The following SLC4A10 variants were observed in gnomAD, a reference collection of about 807,000 sequenced individuals.
SLC4A10 encodes solute carrier family 4 member 10, also known as sodium-driven chloride bicarbonate exchanger.
A neutral mutation model predicts 137.7 loss-of-function variants in SLC4A10; 42 were observed. That is an observed-to-expected ratio of 0.30 (90% CI 0.24 to 0.39). The LOEUF (loss-of-function observed/expected upper bound fraction) is 0.39. Ranked by LOEUF, SLC4A10 falls within the 10% of genes least tolerant of loss-of-function variation. The pLI, the probability that SLC4A10 is intolerant of heterozygous loss-of-function variation, is 1.00. For missense variants in SLC4A10, 925 were observed against 1,355.0 expected, an observed-to-expected ratio of 0.68 and a Z score of 4.98; for synonymous variants, 474 against 464.1, an observed-to-expected ratio of 1.02 and a Z score of -0.27.
Position 161,882,437 on chromosome 2 carries a change from C to A in SLC4A10, c.1187C>A (p.Thr396Lys). The A allele has an allele frequency of 1.3e-6, 2 of 1,581,720 alleles. No homozygotes were observed. The highest frequency in any genetic ancestry group is 1.7e-6 in the Non-Finnish European group (2 of 1,162,998). The part of the protein sequence containing the change: ...EIGRSIATLM[T>K]DEVFHDVAYK... Reference sequence around the variant, plus strand: ...GGCAGATCAATTGCAACCCTAATGACAGATGAGGTATTTATTCAAGTTCTT... The same window carrying A: ...GGCAGATCAATTGCAACCCTAATGAAAGATGAGGTATTTATTCAAGTTCTT... Residue 396 changes from threonine (T) to lysine (K), a missense_variant, in exon 10 of 27, where the codon ACA becomes AAA. This residue lies in a region of SLC4A10 where 277 missense variants were observed against 306.1 expected (regional missense o/e 0.90). Transcript: ENST00000446997.
chr2:161,896,269 C>G (rs1156797569), intron 11 of SLC4A10, among the ~76,000 whole-genome samples: 2 of 151,888 alleles, frequency 1.3e-5, no homozygotes, highest in Non-Finnish European at 1.5e-5. Flanking sequence ...TTCCATTGAT[C>G]TATATCTCTG....
intron 1 of SLC4A10, among the ~76,000 whole-genome samples, chr2:161,717,059 A>G (rs1010493871): frequency 1.3e-5 from 2 of 152,046 alleles, no homozygotes; most frequent in African/African-American, 4.8e-5. Context: ...CTTTGTAGCA[A>G]TTGTGAATGG....
At chr2:161,766,609 A>G (rs2050824394) in intron 1 of SLC4A10, among the ~76,000 whole-genome samples, 1 of 152,136 alleles carries the variant, frequency 6.6e-6, no homozygotes, top group Non-Finnish European at 1.5e-5. Context: ...TTCTAATGTG[A>G]CATATATTTG....
chr2:161,798,051 T>A (rs1438232508), intron 2 of SLC4A10, among the ~76,000 whole-genome samples: 4 of 152,024 alleles, frequency 2.6e-5, no homozygotes, highest in African/African-American at 9.7e-5. Flanking sequence ...AGCCTAGTAA[T>A]ACCTCTTTGC....
chr2:161,908,983 G>C (rs1309644871), intron 15 of SLC4A10, among the ~76,000 whole-genome samples: 1 of 150,264 alleles, frequency 6.7e-6, no homozygotes, highest in Admixed American at 6.7e-5. Flanking sequence ...CATGATCCCT[G>C]TCTGTCATGG....
At chr2:161,858,070 C>T (rs1044652830) in intron 5 of SLC4A10, among the ~76,000 whole-genome samples, 8 of 152,084 alleles carry the variant, frequency 5.3e-5, no homozygotes, top group South Asian at 2.1e-4. Context: ...TAACAATCAG[C>T]CCTGAAACTT....
chr2:161,880,894 T>A (rs891739335), intron 9 of SLC4A10, among the ~76,000 whole-genome samples: 1 of 152,028 alleles, frequency 6.6e-6, no homozygotes, highest in Non-Finnish European at 1.5e-5. Context: ...AAAAGAAAAA[T>A]TCCCATGAGT....
intron 1 of SLC4A10, among the ~76,000 whole-genome samples, chr2:161,711,890 A>G (rs2044328662): frequency 6.6e-6 from 1 of 151,806 alleles, no homozygotes; most frequent in Non-Finnish European, 1.5e-5. Context: ...TAAGTGAGTT[A>G]ATGTATGTGA....
intron 1 of SLC4A10, among the ~76,000 whole-genome samples, chr2:161,640,409 A>G (rs973596278): frequency 6.6e-6 from 1 of 152,206 alleles, no homozygotes; most frequent in Non-Finnish European, 1.5e-5. Context: ...GAGGCTATCT[A>G]TAAGTATTGT....
intron 1 of SLC4A10, among the ~76,000 whole-genome samples, chr2:161,769,881 A>T (rs1190184545): frequency 6.6e-6 from 1 of 151,914 alleles, no homozygotes; most frequent in Non-Finnish European, 1.5e-5. Flanking sequence ...GCACTCTGTC[A>T]AAAGATTTCT....
intron 1 of SLC4A10, among the ~76,000 whole-genome samples, chr2:161,641,396 CT>C (rs35973771): frequency 0.082 from 12,499 of 152,084 alleles, 579 homozygotes; most frequent in East Asian, 0.14. Context: ...CTAAGCCCCC[CT>C]ATATGTTGTA....
At chr2:161,666,479 C>T (rs2039062311) in intron 1 of SLC4A10, among the ~76,000 whole-genome samples, 1 of 151,584 alleles carries the variant, frequency 6.6e-6, no homozygotes, top group Non-Finnish European at 1.5e-5. Context: ...ATTAACAGGG[C>T]CCAATCTCTA....
intron 1 of SLC4A10, among the ~76,000 whole-genome samples, chr2:161,654,233 G>A (rs1377699241): frequency 1.3e-5 from 2 of 152,104 alleles, no homozygotes. Context: ...GGTTATTAGA[G>A]TTTTGCTACT....
intron 4 of SLC4A10, 49 bp downstream of exon 4, chr2:161,839,976 TAC>T (rs763030667): frequency 4.4e-6 from 7 of 1,601,280 alleles, no homozygotes; most frequent in Middle Eastern, 1.7e-4. Flanking sequence ...ATTTTCATGT[TAC>T]TAGAAAAAGA....
chr2:161,801,855 T>A (rs541195322), intron 2 of SLC4A10, among the ~76,000 whole-genome samples: 6 of 152,250 alleles, frequency 3.9e-5, no homozygotes, highest in African/African-American at 1.4e-4. Context: ...AGTACTTTTT[T>A]TAAAGGTTGC....
At chr2:161,827,187 T>G (rs1052929773) in intron 3 of SLC4A10, among the ~76,000 whole-genome samples, 2 of 152,224 alleles carry the variant, frequency 1.3e-5, no homozygotes, top group South Asian at 2.1e-4. Flanking sequence ...CAGTGTTGAG[T>G]CTTCTTCTCT....
chr2:161,887,174 C>CT (rs1311752393), intron 10 of SLC4A10, among the ~76,000 whole-genome samples: 3 of 152,132 alleles, frequency 2.0e-5, no homozygotes, highest in East Asian at 3.9e-4. Flanking sequence ...GCCACATTTT[C>CT]TTTATCCAGT....
chr2:161,691,228 T>C (rs1373225829), intron 1 of SLC4A10, among the ~76,000 whole-genome samples: 1 of 151,082 alleles, frequency 6.6e-6, no homozygotes, highest in Non-Finnish European at 1.5e-5. Context: ...ATTTAGAAAA[T>C]TAGACACTAT....
chr2:161,752,929 A>G (rs1352556109), intron 1 of SLC4A10, among the ~76,000 whole-genome samples: 1 of 152,148 alleles, frequency 6.6e-6, no homozygotes, highest in Non-Finnish European at 1.5e-5. Flanking sequence ...AAAAAATGAC[A>G]TATAAGGCAG....
Sources: allele counts gnomAD v4.1 joint callset (sites outside exome capture counted in the v4.1 genomes callset), GRCh38; gene constraint gnomAD v4.1.1; regional missense constraint gnomAD v4.1.1; transcripts MANE v1.5; gene names NCBI Gene and HGNC (gene_info 2026-07-23, HGNC 2026-07-21).